The following ZNF366 variants were observed in gnomAD, a reference collection of about 807,000 sequenced individuals.
The protein encoded by ZNF366 is zinc finger protein 366, also known as dendritic cell-specific transcript protein.
A neutral mutation model predicts 47.2 loss-of-function variants in ZNF366; 20 were observed. The ratio of observed to expected loss-of-function variants is 0.42; its 90% CI spans 0.30 to 0.62. The LOEUF (loss-of-function observed/expected upper bound fraction) is 0.62. Ranked by LOEUF, ZNF366 falls within the 20% of genes least tolerant of loss-of-function variation. The pLI is 0.16. For missense variants in ZNF366, 987 were observed against 976.3 expected (o/e 1.01, Z -0.15); for synonymous variants, 421 against 395.1 (o/e 1.07, Z -0.78).
intron 1 of ZNF366, among the ~76,000 whole-genome samples, chr5:72,479,085 G>A (rs1291246049): frequency 2.0e-5 from 3 of 152,116 alleles, no homozygotes; most frequent in Admixed American, 2.0e-4. Flanking sequence ...CCCAGACCTA[G>A]CTCTTGCCCA....
chr5:72,458,533 A>C (rs957223209), intron 2 of ZNF366, among the ~76,000 whole-genome samples: 4 of 152,190 alleles, frequency 2.6e-5, no homozygotes, highest in African/African-American at 9.7e-5. Context: ...CTCTGATAGG[A>C]TCAGTGGAAT....
chr5:72,486,989 C>A (rs1743905271), intron 1 of ZNF366, among the ~76,000 whole-genome samples: 2 of 152,132 alleles, frequency 1.3e-5, no homozygotes, highest in South Asian at 4.1e-4. Flanking sequence ...GTTGGCCAGA[C>A]TGATCTTGAA....
chr5:72,462,951 T>A (rs1743357717), intron 1 of ZNF366, among the ~76,000 whole-genome samples: 2 of 152,236 alleles, frequency 1.3e-5, no homozygotes. Flanking sequence ...TCCTCTGAGT[T>A]TGAGTGGGAT....
intron 1 of ZNF366, among the ~76,000 whole-genome samples, chr5:72,493,918 C>CTTTTTTTTTTTATTTT (rs1744060329): frequency 1.6e-5 from 1 of 62,514 alleles, no homozygotes; most frequent in Non-Finnish European, 2.7e-5. Context: ...CCATGCCCAG[C>CTTTTTTTTTTTATTTT]TTTTTTTTTT....
chr5:72,494,922 AACTC>A (rs1399052728), intron 1 of ZNF366, among the ~76,000 whole-genome samples: 5 of 152,170 alleles, frequency 3.3e-5, no homozygotes, highest in Non-Finnish European at 5.9e-5. Context: ...TGTAAACTGA[AACTC>A]ACTGTAACTT....
At chr5:72,476,934 AT>A (rs371617717) in intron 1 of ZNF366, among the ~76,000 whole-genome samples, 160 of 147,058 alleles carry the variant, frequency 1.1e-3, no homozygotes, top group South Asian at 2.2e-3. Flanking sequence ...GGGCTGTGGG[AT>A]TTTTTTTTTT....
At chr5:72,444,436 G>A in intron 4 of ZNF366, 145 bp from the exon 5 acceptor site, 1 of 992,104 alleles carries the variant, frequency 1.0e-6, no homozygotes, top group Non-Finnish European at 1.4e-6. Context: ...GTGGTCTTGG[G>A]AGGCTTGTAA....
At chr5:72,504,217 C>T (rs1231705238) in intron 1 of ZNF366, among the ~76,000 whole-genome samples, 1 of 152,150 alleles carries the variant, frequency 6.6e-6, no homozygotes, top group Non-Finnish European at 1.5e-5. Flanking sequence ...GTGCTCAGCC[C>T]TGGGCAGGAG....
intron 1 of ZNF366, among the ~76,000 whole-genome samples, chr5:72,480,983 A>C (rs1191212937): frequency 2.6e-5 from 4 of 152,184 alleles, no homozygotes; most frequent in Non-Finnish European, 4.4e-5. Context: ...ACAGCTTGTG[A>C]ACTTCATGTG....
intron 2 of ZNF366, 108 bp downstream of exon 2, chr5:72,460,057 T>C: frequency 7.0e-7 from 1 of 1,436,980 alleles, no homozygotes; most frequent in Non-Finnish European, 9.2e-7. Flanking sequence ...GCCCACCTCC[T>C]CGGGGTAAGG....
intron 1 of ZNF366, among the ~76,000 whole-genome samples, chr5:72,466,305 C>T (rs375404624): frequency 4.5e-4 from 69 of 152,256 alleles, no homozygotes; most frequent in Admixed American, 2.4e-3. Flanking sequence ...TTTGCTATTA[C>T]GGAGATGTTT....
At chr5:72,505,101 C>T (rs1744294901) in intron 1 of ZNF366, among the ~76,000 whole-genome samples, 1 of 152,110 alleles carries the variant, frequency 6.6e-6, no homozygotes, top group South Asian at 2.1e-4. Context: ...ACAGTTTTGG[C>T]AGAAATTAAC....
chr5:72,485,934 T>A (rs1232540226), intron 1 of ZNF366, among the ~76,000 whole-genome samples: 1 of 152,170 alleles, frequency 6.6e-6, no homozygotes, highest in Non-Finnish European at 1.5e-5. Flanking sequence ...TTCCCCAAGA[T>A]ACCCACGTGC....
chr5:72,444,105 T>A lies in ZNF366; in HGVS notation c.1886A>T (p.Glu629Val). 6.2e-7 allele frequency: 1 copy of A among 1,614,034 alleles called. No individual in the cohort carries two copies. Among genetic ancestry groups the A allele is most frequent in the Non-Finnish European group, 8.5e-7 (1 of 1,180,022 alleles). The change falls in exon 5 of 5, where the codon GAG (glutamate) becomes GTG (valine). Residue 629 changes from glutamate to valine, a missense_variant. Physicochemically the swap from Glu to Val is moderately radical, Grantham distance 121. This residue lies in a region of ZNF366 where 285 missense variants were observed against 234.8 expected (regional missense o/e 1.21). Coordinates refer to ENST00000318442, the MANE Select transcript of ZNF366 (RefSeq NM_152625.3). ...GGGGGCCAGGCCAGGGCTGTAGGGC[T>A]CCACCTCGTAGCAGTTATCCTCCTC... ...EEEEDNCYEV[E>V]PYSPGLAPQS... is the part of the protein sequence containing the mutation.
chr5:72,498,903 G>A (rs1273912855), intron 1 of ZNF366, among the ~76,000 whole-genome samples: 1 of 152,166 alleles, frequency 6.6e-6, no homozygotes, highest in Admixed American at 6.5e-5. Flanking sequence ...CTTCTGAAAT[G>A]GGATTTTCTC....
In ZNF366 at chr5:72,460,689, T is replaced by A; in HGVS notation, c.808A>T (p.Thr270Ser). The A allele has an allele frequency of 3.1e-6, 5 of 1,614,188 alleles. No homozygotes were observed. Among genetic ancestry groups the A allele is most frequent in the Non-Finnish European group, 4.2e-6 (5 of 1,180,028 alleles). ...ATCCCACTGTGGCCCAGGATGTGGG[T>A]GACCAGGTTGTACTTGGAGGTGTAG... is the stretch of plus-strand genomic sequence containing the variant. ...KSYTSKYNLV[T>S]HILGHSGIKP... Residue 270 changes from threonine to serine, a missense_variant, in exon 2 of 5, where the codon ACC becomes TCC. By Grantham distance (58) the Thr-to-Ser change is moderately conservative (BLOSUM62 1). Coordinates refer to ENST00000318442, the MANE Select transcript of ZNF366 (RefSeq NM_152625.3).
At chr5:72,459,112 G>A (rs1352971304) in intron 2 of ZNF366, among the ~76,000 whole-genome samples, 1 of 152,190 alleles carries the variant, frequency 6.6e-6, no homozygotes, top group African/African-American at 2.4e-5. Flanking sequence ...GAGCCCACAA[G>A]GCAGCCACAC....
At chr5:72,485,376 G>A (rs556411876) in intron 1 of ZNF366, among the ~76,000 whole-genome samples, 116 of 152,294 alleles carry the variant, frequency 7.6e-4, no homozygotes, top group African/African-American at 2.7e-3. Flanking sequence ...AATCCTGCCT[G>A]CTCTAGCTGT....
intron 4 of ZNF366, among the ~76,000 whole-genome samples, chr5:72,446,329 G>A (rs17378840): frequency 0.2 from 30,828 of 152,222 alleles, 3,515 homozygotes; most frequent in Non-Finnish European, 0.26. Context: ...ACTAGTGACC[G>A]AAAAGCTGTT....
Sources: gnomAD v4.1 joint callset for allele counts (sites outside exome capture counted in the v4.1 genomes callset) on GRCh38, gnomAD v4.1.1 for gene constraint, gnomAD v4.1.1 regional missense constraint, MANE v1.5 for transcripts, NCBI Gene and HGNC (gene_info 2026-07-23, HGNC 2026-07-21) for gene names.